Variants in EBF4 observed in about 807,000 individuals in gnomAD.
EBF4 encodes the protein EBF transcription factor 4, also known as transcription factor COE4.
A neutral mutation model predicts 67.1 loss-of-function variants in EBF4; 34 were observed. The observed-to-expected ratio is 0.51, with a 90% CI of 0.39 to 0.67. The LOEUF is 0.67. EBF4 is among the 30% of genes least tolerant of loss of function. The pLI, the probability that EBF4 is intolerant of heterozygous loss-of-function variation, is 0.00. For missense variants in EBF4, 837 were observed against 873.3 expected (o/e 0.96, Z 0.52); for synonymous variants, 387 against 377.7 (o/e 1.02, Z -0.29).
At chr20:2,725,181 A>G (rs2087731879) in intron 6 of EBF4, among the ~76,000 whole-genome samples, 1 of 152,172 alleles carries the variant, frequency 6.6e-6, no homozygotes, top group African/African-American at 2.4e-5. Flanking sequence ...TGGCACTCCA[A>G]AGAACACTCC....
intron 5 of EBF4, 124 bp downstream of exon 5, chr20:2,708,144 C>T: frequency 5.9e-6 from 6 of 1,021,472 alleles, no homozygotes; most frequent in Non-Finnish European, 8.4e-6. Flanking sequence ...CCTGGAGAAG[C>T]CTGGTGGCAG....
chr20:2,706,117 T>A, intron 3 of EBF4, 80 bp downstream of exon 3: 1 of 1,548,004 alleles, frequency 6.5e-7, no homozygotes. Flanking sequence ...TAATGCCCCC[T>A]GTGCCAGGGC....
intron 6 of EBF4, among the ~76,000 whole-genome samples, chr20:2,720,932 G>C (rs561493918): frequency 6.6e-6 from 1 of 152,268 alleles, no homozygotes; most frequent in African/African-American, 2.4e-5. Context: ...TTTCTGATAA[G>C]AAATCTGATG....
At chr20:2,699,361 T>C (rs2087342314) in intron 1 of EBF4, among the ~76,000 whole-genome samples, 1 of 152,228 alleles carries the variant, frequency 6.6e-6, no homozygotes, top group South Asian at 2.1e-4. Context: ...GCATGTTGAC[T>C]CTGACCAAAA....
At chr20:2,734,241 C>G (rs2087850322) in intron 6 of EBF4, among the ~76,000 whole-genome samples, 1 of 152,072 alleles carries the variant, frequency 6.6e-6, no homozygotes. Context: ...AACCCTGTCT[C>G]TACAAAAACC....
intron 6 of EBF4, among the ~76,000 whole-genome samples, chr20:2,712,103 A>G (rs1251362830): frequency 6.6e-6 from 1 of 152,218 alleles, no homozygotes; most frequent in Admixed American, 6.5e-5. Context: ...GCAGGGTCTT[A>G]TAGGCTGCAT....
chr20:2,706,050 C>A lies in EBF4; in HGVS notation c.358+13C>A, dbSNP rs1471633327. 2.6e-6 allele frequency: 4 copies of A among 1,551,228 alleles called. No individual in the cohort carries two copies. Among genetic ancestry groups the A allele is most frequent in the Non-Finnish European group, 3.5e-6 (4 of 1,146,852 alleles). ...GTGTATAACAATGGTGAGTGGAGGC[C>A]CCTGCCCTACCCAGCCCTGCCCCTG... On this transcript the variant is annotated intron_variant, in intron 3 of 16. Coordinates refer to ENST00000609451, the Ensembl canonical transcript of EBF4.
At chr20:2,731,577 C>T (rs1600226365) in intron 6 of EBF4, among the ~76,000 whole-genome samples, 1 of 152,306 alleles carries the variant, frequency 6.6e-6, no homozygotes, top group East Asian at 1.9e-4. Context: ...AGGTAAGACT[C>T]AGAGGGTTCT....
At chr20:2,731,738 C>T (rs1248814907) in intron 6 of EBF4, among the ~76,000 whole-genome samples, 1 of 152,240 alleles carries the variant, frequency 6.6e-6, no homozygotes, top group Non-Finnish European at 1.5e-5. Flanking sequence ...CTCTCTTAAG[C>T]AAACCCCTGT....
intron 6 of EBF4, among the ~76,000 whole-genome samples, chr20:2,744,237 C>A (rs1456021734): frequency 6.6e-6 from 1 of 151,760 alleles, no homozygotes; most frequent in Non-Finnish European, 1.5e-5. Flanking sequence ...CCTGCCACCA[C>A]GCCCGGCTAA....
rs770144804 is a variant in EBF4 at position 2,707,939 on chromosome 20, C to T, written c.415-8C>T. Reference sequence around the variant, plus strand: ...TCCCCTCCAGCCTGTGCACCTCCCTCTCCCCAGGCCATCATCTATGAGGGG... The same window carrying T: ...TCCCCTCCAGCCTGTGCACCTCCCTTTCCCCAGGCCATCATCTATGAGGGG... On this transcript the variant is annotated splice_polypyrimidine_tract_variant and splice_region_variant and intron_variant, in intron 4 of 16. Coordinates refer to ENST00000609451, the Ensembl canonical transcript of EBF4. This position sits in a 1 kb window ranked among gnomAD's most constrained non-coding sequence, Gnocchi z 4.6. 9 of 1,587,918 alleles carry T rather than the reference C, an allele frequency of 5.7e-6. No homozygotes were observed. Among genetic ancestry groups the T allele is most frequent in the Non-Finnish European group, 6.9e-6 (8 of 1,165,856 alleles).
intron 1 of EBF4, among the ~76,000 whole-genome samples, chr20:2,700,824 G>T (rs1192904454): frequency 4.6e-5 from 7 of 152,182 alleles, no homozygotes; most frequent in African/African-American, 1.7e-4. Flanking sequence ...GCATGTTGGG[G>T]TCAATCAGGA....
At chr20:2,746,885 G>A (rs2088058015) in intron 6 of EBF4, among the ~76,000 whole-genome samples, 1 of 152,122 alleles carries the variant, frequency 6.6e-6, no homozygotes, top group Admixed American at 6.5e-5. Flanking sequence ...CACATATCAG[G>A]ACCTACTGCA....
chr20:2,742,384 C>T (rs1193910503), intron 6 of EBF4, among the ~76,000 whole-genome samples: 2 of 152,088 alleles, frequency 1.3e-5, no homozygotes, highest in Non-Finnish European at 2.9e-5. Flanking sequence ...AGACCTGGTT[C>T]CCTGTTTTTC....
rs1053663736 is a variant in EBF4, at chr20:2,698,658, C to T, written c.137+4876C>T. Among the ~76,000 whole-genome samples the T allele has an allele frequency of 3.9e-5, 6 of 152,102 alleles. No individual in the cohort carries two copies. The East Asian group carries it at 1.2e-3, about 29-fold the overall frequency. ...CAGAGAGAGACTTTGGGGAAATCTGCGAAAAGGGATGAGATGCAGGAGTTT... is the reference window on the plus strand; with the variant it reads ...CAGAGAGAGACTTTGGGGAAATCTGTGAAAAGGGATGAGATGCAGGAGTTT... On this transcript the variant is annotated intron_variant, in intron 1 of 16. Transcript: ENST00000609451.
chr20:2,759,087 C>A, intron 16 of EBF4, 103 bp downstream of exon 16: 1 of 1,137,524 alleles, frequency 8.8e-7, no homozygotes, highest in South Asian at 1.4e-5. Flanking sequence ...CCGCTAGCAG[C>A]CCCACAGGGA....
At chr20:2,737,876 A>G (rs2087911420) in intron 6 of EBF4, among the ~76,000 whole-genome samples, 1 of 151,432 alleles carries the variant, frequency 6.6e-6, no homozygotes, top group Non-Finnish European at 1.5e-5. Context: ...GAGGCAGGAG[A>G]ATCACTTGAA....
chr20:2,748,762 G>A, intron 7 of EBF4, 132 bp downstream of exon 7: 1 of 1,021,580 alleles, frequency 9.8e-7, no homozygotes, highest in South Asian at 1.8e-5. Context: ...CCAGCCCTGT[G>A]CCTCCCCAGC....
chr20:2,706,295 TCTCA>T, intron 4 of EBF4, 31 bp downstream of exon 4: 14 of 1,551,532 alleles, frequency 9.0e-6, no homozygotes, highest in Non-Finnish European at 1.2e-5. Flanking sequence ...CTGAGGCCCA[TCTCA>T]CTCTCTTCCC....
Sources: allele counts gnomAD v4.1 joint callset (sites outside exome capture counted in the v4.1 genomes callset), GRCh38; gene constraint gnomAD v4.1.1; non-coding constraint Gnocchi (gnomAD v3.1); transcripts MANE v1.5; gene names NCBI Gene and HGNC (gene_info 2026-07-23, HGNC 2026-07-21).